THSD7A: variants seen among roughly 807,000 people sequenced by gnomAD.
The protein encoded by THSD7A is thrombospondin type-1 domain-containing protein 7A.
A neutral mutation model predicts 231.3 loss-of-function variants in THSD7A; 96 were observed. The observed-to-expected ratio is 0.41, with a 90% CI of 0.35 to 0.49. The LOEUF is 0.49. Among genes scored for constraint, THSD7A ranks in the 20% least tolerant of loss-of-function variants. The pLI is 0.05. For synonymous variants in THSD7A, 940 were observed against 743.3 expected (o/e 1.26, Z -4.30); for missense variants, 2,290 against 2,070.2 (o/e 1.11, Z -2.06).
At chr7:11,531,148 A>G (rs1788692226) in intron 6 of THSD7A, among the ~76,000 whole-genome samples, 1 of 152,186 alleles carries the variant, frequency 6.6e-6, no homozygotes, top group South Asian at 2.1e-4. Flanking sequence ...CAACATCTCC[A>G]CTTGCTGCTC....
chr7:11,487,559 A>C (rs1417440432), intron 6 of THSD7A, among the ~76,000 whole-genome samples: 3 of 152,154 alleles, frequency 2.0e-5, no homozygotes, highest in South Asian at 4.1e-4. Context: ...CATGCTGCTA[A>C]TCAAGATATA....
chr7:11,611,480 A>C (rs557022678), intron 2 of THSD7A, among the ~76,000 whole-genome samples: 1 of 152,006 alleles, frequency 6.6e-6, no homozygotes, highest in Non-Finnish European at 1.5e-5. Flanking sequence ...TTGTGAAAAT[A>C]ATTATATTAA....
intron 16 of THSD7A, among the ~76,000 whole-genome samples, chr7:11,421,432 G>A (rs11770493): frequency 0.018 from 2,757 of 150,236 alleles, 36 homozygotes; most frequent in South Asian, 0.047. Flanking sequence ...GAAGGCTCCC[G>A]AGCCATGTCT....
intron 23 of THSD7A, among the ~76,000 whole-genome samples, chr7:11,399,450 G>GT (rs1783315349): frequency 7.9e-6 from 1 of 126,860 alleles, no homozygotes; most frequent in Non-Finnish European, 1.6e-5. Flanking sequence ...CAATCTATTG[G>GT]TTTTGTTGAT....
intron 4 of THSD7A, among the ~76,000 whole-genome samples, chr7:11,574,769 T>G (rs2128335861): frequency 6.6e-6 from 1 of 152,232 alleles, no homozygotes; most frequent in South Asian, 2.1e-4. Context: ...GAAGTGCAGT[T>G]TTATTGTCAT....
chr7:11,472,811 C>A (rs148993376), intron 8 of THSD7A, among the ~76,000 whole-genome samples: 2 of 152,218 alleles, frequency 1.3e-5, no homozygotes, highest in African/African-American at 2.4e-5. Flanking sequence ...GGGACAGGAA[C>A]AGAATGAGCT....
At chr7:11,595,377 A>T (rs1259499599) in intron 2 of THSD7A, among the ~76,000 whole-genome samples, 1 of 152,130 alleles carries the variant, frequency 6.6e-6, no homozygotes, top group Admixed American at 6.5e-5. Flanking sequence ...AGGAAGATAG[A>T]GTCGGGTCAG....
chr7:11,585,748 C>G lies in THSD7A; in HGVS notation c.1453+4712G>C, dbSNP rs1036514747. ...GAACTGTGGCTGGACAACACACCAT[C>G]CCATCTCAGGGTGCACTCACACACA... On this transcript the variant is annotated intron_variant, in intron 4 of 27. Coordinates refer to ENST00000423059, the MANE Select transcript of THSD7A (RefSeq NM_015204.3). 2.6e-5 allele frequency among the ~76,000 whole-genome samples: 4 copies of G among 152,076 alleles called. 1 individual carries two copies. Among genetic ancestry groups the G allele is most frequent in the African/African-American group, 9.7e-5 (4 of 41,414 alleles).
At chr7:11,528,134 C>T (rs1788555438) in intron 6 of THSD7A, among the ~76,000 whole-genome samples, 1 of 152,144 alleles carries the variant, frequency 6.6e-6, no homozygotes, top group Non-Finnish European at 1.5e-5. Context: ...TGCCATTGCA[C>T]TCCAGCCTGG....
rs908584028 is a variant in THSD7A at position 11,632,896 on chromosome 7, G to C, written c.1022+3234C>G. Among the ~76,000 whole-genome samples the C allele has an allele frequency of 3.9e-5, 6 of 152,038 alleles. No individual in the cohort carries two copies. The highest frequency in any genetic ancestry group is 1.4e-4 in the African/African-American group (6 of 41,408). ...TTGTGTTTTCTGTTTTAATTTTTCT[G>C]GTTCTATCTTCAGGAACATCAGCGT... On this transcript the variant is annotated intron_variant, in intron 2 of 27. Transcript: ENST00000423059. The surrounding 1 kb of genome is among the most constrained non-coding windows in gnomAD (Gnocchi z 4.1).
At chr7:11,677,581 AAGC>A (rs1473081566) in intron 1 of THSD7A, among the ~76,000 whole-genome samples, 5 of 106,108 alleles carry the variant, frequency 4.7e-5, no homozygotes, top group African/African-American at 1.9e-4. Context: ...AGCAAATGGA[AAGC>A]AAAAAAAAAA....
chr7:11,798,460 G>C (rs1784188190), intron 1 of THSD7A, among the ~76,000 whole-genome samples: 2 of 150,342 alleles, frequency 1.3e-5, no homozygotes, highest in East Asian at 2.0e-4. Context: ...GACAGAGTGA[G>C]ACGCTATCTC....
chr7:11,665,098 G>T (rs1042252753), intron 1 of THSD7A, among the ~76,000 whole-genome samples: 4 of 151,936 alleles, frequency 2.6e-5, no homozygotes, highest in Non-Finnish European at 5.9e-5. Context: ...CTTCTTGATG[G>T]CATAGGCATG....
At chr7:11,739,829 T>A (rs909469942) in intron 1 of THSD7A, among the ~76,000 whole-genome samples, 4 of 151,936 alleles carry the variant, frequency 2.6e-5, no homozygotes, top group African/African-American at 9.7e-5. Flanking sequence ...CCAAAGCTTA[T>A]GTGCTTCTCT....
intron 1 of THSD7A, among the ~76,000 whole-genome samples, chr7:11,675,364 T>C (rs1783595422): frequency 6.6e-6 from 1 of 152,078 alleles, no homozygotes; most frequent in Non-Finnish European, 1.5e-5. Context: ...ACTGAGCTAG[T>C]TGCAGGAGTT....
At chr7:11,816,735 GA>G (rs34166375) in intron 1 of THSD7A, among the ~76,000 whole-genome samples, 1 of 151,866 alleles carries the variant, frequency 6.6e-6, no homozygotes, top group Non-Finnish European at 1.5e-5. Context: ...ATATTTTAGT[GA>G]AAAAAGTGTA....
chr7:11,439,060 A>G (rs1784722014), intron 13 of THSD7A, among the ~76,000 whole-genome samples: 1 of 151,920 alleles, frequency 6.6e-6, no homozygotes, highest in South Asian at 2.1e-4. Flanking sequence ...ATGTGGAATC[A>G]TTTTTTTCAT....
At position 11,377,018 on chromosome 7, in the gene THSD7A, G is replaced by C. The variant is rs979975524; in HGVS notation, c.4802-361C>G. ...TTCAGTGTATTTTGAGAATTGCAAT[G>C]AGAAGAAAAGATGAAAAATGCAATT... On this transcript the variant is annotated intron_variant, in intron 26 of 27. Coordinates refer to ENST00000423059, the MANE Select transcript of THSD7A (RefSeq NM_015204.3). This position sits in a 1 kb window ranked among gnomAD's most constrained non-coding sequence, Gnocchi z 4.5. 1 of 160,958 alleles carries C rather than the reference G, an allele frequency of 6.2e-6. No homozygotes were observed. The highest frequency in any genetic ancestry group is 1.3e-5 in the Non-Finnish European group (1 of 74,090). 10.0% of individuals were successfully genotyped at this position (160,958 alleles called of 1,614,324 possible).
chr7:11,752,516 C>T (rs1255228992), intron 1 of THSD7A, among the ~76,000 whole-genome samples: 2 of 151,966 alleles, frequency 1.3e-5, no homozygotes, highest in Non-Finnish European at 1.5e-5. Context: ...ACTGATGCAA[C>T]TGTTACTAGA....
Sources: allele counts gnomAD v4.1 joint callset (sites outside exome capture counted in the v4.1 genomes callset), GRCh38; gene constraint gnomAD v4.1.1; non-coding constraint Gnocchi (gnomAD v3.1); transcripts MANE v1.5; gene names NCBI Gene and HGNC (gene_info 2026-07-23, HGNC 2026-07-21).